Variants in GUCY2C observed in about 807,000 individuals in gnomAD.
The protein encoded by GUCY2C is guanylyl cyclase C.
Under a neutral mutation model 131.1 loss-of-function variants are expected in GUCY2C, and 118 were observed. That is an observed-to-expected ratio of 0.90 (90% confidence interval 0.78 to 1.05). The LOEUF (loss-of-function observed/expected upper bound fraction) is 1.05. Ranked by LOEUF, GUCY2C falls within the 50% of genes least tolerant of loss-of-function variation. The pLI is 0.00. For missense variants in GUCY2C, 1,161 were observed against 1,304.4 expected, an observed-to-expected ratio of 0.89 and a Z score of 1.69; for synonymous variants, 452 against 457.8, an observed-to-expected ratio of 0.99 and a Z score of 0.16.
intron 10 of GUCY2C, chr12:14,665,923 A>G (rs180840302): frequency 6.6e-6 from 1 of 152,252 alleles, no homozygotes; most frequent in African/African-American, 2.4e-5. Context: ...GCGTGACGAG[A>G]AGATTAAGGA....
At chr12:14,651,535 A>G in intron 14 of GUCY2C, 24 bp from the exon 15 acceptor site, 1 of 1,312,522 alleles carries the variant, frequency 7.6e-7, no homozygotes, top group Middle Eastern at 1.8e-4. Flanking sequence ...TTTGTTTACA[A>G]AGCAAATTAG....
chr12:14,695,138 C>G (rs1336661211), intron 1 of GUCY2C, among the ~76,000 whole-genome samples: 1 of 151,954 alleles, frequency 6.6e-6, no homozygotes, highest in East Asian at 1.9e-4. Context: ...GTGAAGTGAA[C>G]CAGAAGGATC....
intron 3 of GUCY2C, among the ~76,000 whole-genome samples, chr12:14,684,456 TC>T (rs1316988344): frequency 6.6e-6 from 1 of 152,006 alleles, no homozygotes; most frequent in Non-Finnish European, 1.5e-5. Context: ...TGAAGCTTAG[TC>T]CCCTCAAGCA....
intron 23 of GUCY2C, among the ~76,000 whole-genome samples, chr12:14,620,651 G>A (rs527561678): frequency 5.3e-5 from 8 of 152,046 alleles, no homozygotes; most frequent in Non-Finnish European, 1.2e-4. Flanking sequence ...ATTTCCCCTT[G>A]TAGATAATCT....
At chr12:14,677,545 TTTTTATTTTTAC>T (rs1305487768) in intron 6 of GUCY2C, among the ~76,000 whole-genome samples, 1 of 151,996 alleles carries the variant, frequency 6.6e-6, no homozygotes, top group Non-Finnish European at 1.5e-5. Context: ...CTATGGTTTA[TTTTTATTTTTAC>T]TTTTATTTTT....
At chr12:14,696,203 G>A in intron 1 of GUCY2C, 29 bp downstream of exon 1, 1 of 1,539,636 alleles carries the variant, frequency 6.5e-7, no homozygotes, top group Non-Finnish European at 9.0e-7. Flanking sequence ...GTAACAGAGT[G>A]GAGGAAGATT....
chr12:14,639,862 T>C lies in GUCY2C; in HGVS notation c.2157A>G (p.Glu719=). 6.4e-7 allele frequency: 1 copy of C among 1,564,220 alleles called. No homozygotes were observed. The highest frequency in any genetic ancestry group is 8.8e-7 in the Non-Finnish European group (1 of 1,134,436). The stretch of plus-strand genomic sequence containing the variant: ...AATGAATACGGGAAGATATACTCAC[T>C]TCTAGCTCTTTTTCCTCTGCTGTTT... ...FLETAEEKEL[E]VYLLVKNCWE... The change falls in exon 19 of 27, where the codon GAA becomes GAG. Residue 719 remains glutamate, a splice_region_variant and synonymous_variant. Coordinates refer to ENST00000261170, the MANE Select transcript of GUCY2C (RefSeq NM_004963.4).
Position 14,616,620 on chromosome 12 carries a change from G to A in GUCY2C, c.2970+13C>T. On this transcript the variant is annotated intron_variant, in intron 25 of 26. Transcript: ENST00000261170. ...AGAGCTTTTCCTATGCATTGTCTCT[G>A]TGGACTCCTTACCTTTAAGTATGTT... The A allele has an allele frequency of 7.0e-7, 1 of 1,435,448 alleles. No homozygotes were observed. Among genetic ancestry groups the A allele is most frequent in the South Asian group, 1.1e-5 (1 of 87,444 alleles). The allele number at this position is 1,435,448 out of a possible 1,614,324, so 88.9% of individuals were successfully genotyped here.
chr12:14,662,965 C>T (rs1947899772), intron 10 of GUCY2C, among the ~76,000 whole-genome samples: 2 of 152,052 alleles, frequency 1.3e-5, no homozygotes, highest in African/African-American at 4.8e-5. Context: ...GATAGGACAA[C>T]ACTAGAAGCT....
intron 19 of GUCY2C, among the ~76,000 whole-genome samples, chr12:14,638,794 A>AGAGTAG (rs1947332617): frequency 6.6e-6 from 1 of 152,208 alleles, no homozygotes; most frequent in Admixed American, 6.5e-5. Context: ...GTTTGATAGC[A>AGAGTAG]GAGTAGGGTG....
intron 1 of GUCY2C, among the ~76,000 whole-genome samples, chr12:14,694,588 G>A (rs762760945): frequency 4.3e-4 from 66 of 152,156 alleles, no homozygotes; most frequent in Non-Finnish European, 8.2e-4. Context: ...TCTTTCCATT[G>A]TACCACACTG....
intron 19 of GUCY2C, among the ~76,000 whole-genome samples, chr12:14,633,598 TA>T (rs1396816954): frequency 6.6e-6 from 1 of 150,562 alleles, no homozygotes; most frequent in Non-Finnish European, 1.5e-5. Context: ...TCTGGAAAAA[TA>T]ATTAAAAATA....
intron 23 of GUCY2C, chr12:14,619,751 G>A (rs1188681454): frequency 1.9e-5 from 3 of 154,388 alleles, no homozygotes; most frequent in Non-Finnish European, 2.9e-5. Flanking sequence ...GCATTTCTGG[G>A]ATTGGTGCCA....
At chr12:14,624,753 A>G (rs1946972065) in intron 21 of GUCY2C, among the ~76,000 whole-genome samples, 1 of 152,260 alleles carries the variant, frequency 6.6e-6, no homozygotes, top group Non-Finnish European at 1.5e-5. Context: ...TGGAAATCCA[A>G]TAAAAACATC....
chr12:14,695,991 T>G (rs1400797355), intron 1 of GUCY2C, among the ~76,000 whole-genome samples: 1 of 152,128 alleles, frequency 6.6e-6, no homozygotes, highest in African/African-American at 2.4e-5. Flanking sequence ...TTCACTGCCG[T>G]GAACACTTTA....
intron 14 of GUCY2C, among the ~76,000 whole-genome samples, chr12:14,651,724 T>C (rs1947663455): frequency 6.6e-6 from 1 of 152,226 alleles, no homozygotes; most frequent in South Asian, 2.1e-4. Context: ...ATATAAACTT[T>C]ACTTTCAAAT....
chr12:14,629,693 A>G (rs1431653522), intron 19 of GUCY2C, among the ~76,000 whole-genome samples: 2 of 152,184 alleles, frequency 1.3e-5, no homozygotes, highest in African/African-American at 4.8e-5. Context: ...TATGAGGCAA[A>G]TGGCTCCAAA....
chr12:14,657,278 G>A (rs896149645), intron 11 of GUCY2C, among the ~76,000 whole-genome samples: 2 of 152,200 alleles, frequency 1.3e-5, no homozygotes, highest in Non-Finnish European at 2.9e-5. Flanking sequence ...TGGTGACATT[G>A]AGAGGCAAAA....
intron 19 of GUCY2C, among the ~76,000 whole-genome samples, chr12:14,633,692 A>T (rs1238611672): frequency 6.6e-6 from 1 of 151,970 alleles, no homozygotes; most frequent in Non-Finnish European, 1.5e-5. Flanking sequence ...ATGAATGAGA[A>T]ATTTACCAAA....
Sources: gnomAD v4.1 joint callset for allele counts (sites outside exome capture counted in the v4.1 genomes callset) on GRCh38, gnomAD v4.1.1 for gene constraint, MANE v1.5 for transcripts, NCBI Gene and HGNC (gene_info 2026-07-23, HGNC 2026-07-21) for gene names.